GALNT17: variants seen among roughly 807,000 people sequenced by gnomAD.
GALNT17 encodes the protein polypeptide N-acetylgalactosaminyltransferase 17, also known as UDP-GalNAc:polypeptide N-acetylgalactosaminyltransferase-like 3.
In GALNT17, 29 loss-of-function variants were observed where a neutral mutation model predicts 63.7. That is an observed-to-expected ratio of 0.46 (90% CI 0.34 to 0.62). The LOEUF (loss-of-function observed/expected upper bound fraction) is 0.62, where lower values mean the gene tolerates loss of function less well. Ranked by LOEUF, GALNT17 falls within the 20% of genes least tolerant of loss-of-function variation. The pLI, the probability that GALNT17 is intolerant of heterozygous loss-of-function variation, is 0.01. For synonymous variants in GALNT17, 305 were observed against 318.3 expected, an observed-to-expected ratio of 0.96 and a Z score of 0.45; for missense variants, 603 against 799.6, an observed-to-expected ratio of 0.75 and a Z score of 2.97.
At chr7:71,343,620 T>C (rs1330942663) in intron 2 of GALNT17, among the ~76,000 whole-genome samples, 1 of 152,184 alleles carries the variant, frequency 6.6e-6, no homozygotes, top group Non-Finnish European at 1.5e-5. Context: ...TGCTTTAAAG[T>C]GTAAAAAGAT....
At chr7:71,153,897 G>T (rs1788179971) in intron 1 of GALNT17, among the ~76,000 whole-genome samples, 1 of 151,772 alleles carries the variant, frequency 6.6e-6, no homozygotes, top group South Asian at 2.1e-4. Flanking sequence ...GACAAAGGGA[G>T]ACTCTGTCTC....
intron 6 of GALNT17, among the ~76,000 whole-genome samples, chr7:71,583,974 T>C (rs1245676195): frequency 5.5e-5 from 8 of 144,862 alleles, no homozygotes; most frequent in African/African-American, 2.1e-4. Flanking sequence ...AAAAAAAAAA[T>C]ACAAAAAATT....
At position 71,192,800 on chromosome 7, in the gene GALNT17, A is replaced by G. The variant is rs566203389; in HGVS notation, c.238+59760A>G. On this transcript the variant is annotated intron_variant, in intron 1 of 10. Coordinates refer to ENST00000333538, the MANE Select transcript of GALNT17 (RefSeq NM_022479.3). ...TTCCGGTGGTGCCTCATCCTTGCCA[A>G]CATTTGGTGTTGTCAGTCTTTTTCC... 4.6e-5 allele frequency among the ~76,000 whole-genome samples: 7 copies of G among 152,264 alleles called. No homozygotes were observed. The East Asian group carries it at 1.4e-3, about 29-fold the overall frequency.
At chr7:71,540,950 G>C (rs550818648) in intron 5 of GALNT17, among the ~76,000 whole-genome samples, 1 of 151,914 alleles carries the variant, frequency 6.6e-6, no homozygotes, top group South Asian at 2.1e-4. Flanking sequence ...CTAAAGAAAC[G>C]ATGGCCAGCC....
intron 1 of GALNT17, among the ~76,000 whole-genome samples, chr7:71,292,521 A>T (rs757322509): frequency 6.6e-6 from 1 of 152,264 alleles, no homozygotes; most frequent in East Asian, 1.9e-4. Flanking sequence ...TATCATGGAC[A>T]TATAAAAATT....
chr7:71,217,167 A>AG (rs2079485869), intron 1 of GALNT17, among the ~76,000 whole-genome samples: 1 of 76,932 alleles, frequency 1.3e-5, no homozygotes, highest in South Asian at 4.6e-4. Context: ...TTTTTTTTTG[A>AG]GATAGAGTTT....
chr7:71,134,719 G>C (rs1385260877), intron 1 of GALNT17, among the ~76,000 whole-genome samples: 1 of 151,986 alleles, frequency 6.6e-6, no homozygotes, highest in Non-Finnish European at 1.5e-5. Context: ...CTTATAATTT[G>C]GGATAGATTC....
At chr7:71,238,944 G>A (rs1479349089) in intron 1 of GALNT17, among the ~76,000 whole-genome samples, 1 of 152,118 alleles carries the variant, frequency 6.6e-6, no homozygotes, top group Non-Finnish European at 1.5e-5. Flanking sequence ...CTGCCACACC[G>A]TGAGGTCCCC....
intron 5 of GALNT17, among the ~76,000 whole-genome samples, chr7:71,485,842 C>G (rs763538090): frequency 1.3e-5 from 2 of 152,072 alleles, no homozygotes; most frequent in Non-Finnish European, 2.9e-5. Flanking sequence ...TCTTTGTCAA[C>G]CAGAAATTGT....
intron 6 of GALNT17, among the ~76,000 whole-genome samples, chr7:71,619,581 T>G (rs1433862702): frequency 2.6e-5 from 4 of 152,228 alleles, no homozygotes; most frequent in Non-Finnish European, 5.9e-5. Flanking sequence ...GTTCTTGATT[T>G]CACCCTCAGC....
At chr7:71,316,252 G>T (rs79571542) in intron 1 of GALNT17, among the ~76,000 whole-genome samples, 10 of 84,550 alleles carry the variant, frequency 1.2e-4, no homozygotes, top group African/African-American at 4.2e-4. Flanking sequence ...TGATCTGTGG[G>T]TCTGATCAGG....
rs563478010 is a variant in GALNT17, at chr7:71,405,740, CTT to C, written c.590-10146_590-10145del. ...GTGGTGAACCAGCTCCCTGGGGCCTCTTTTGTAAGGACACTCATCCCATTCAT... is the reference window on the plus strand; with the variant it reads ...GTGGTGAACCAGCTCCCTGGGGCCTCTTGTAAGGACACTCATCCCATTCAT... On this transcript the variant is annotated intron_variant, in intron 3 of 10. Coordinates refer to ENST00000333538, the MANE Select transcript of GALNT17 (RefSeq NM_022479.3). Among the ~76,000 whole-genome samples the C allele has an allele frequency of 2.2e-4, 34 of 152,250 alleles. 1 individual carries two copies. The South Asian group carries it at 7.1e-3, about 32-fold the overall frequency.
intron 1 of GALNT17, among the ~76,000 whole-genome samples, chr7:71,280,724 C>A (rs913873231): frequency 6.6e-6 from 1 of 152,100 alleles, no homozygotes; most frequent in South Asian, 2.1e-4. Context: ...AGATTTTCAC[C>A]CCTGGAGAAA....
chr7:71,618,923 C>T (rs1045282760), intron 6 of GALNT17, among the ~76,000 whole-genome samples: 1 of 152,080 alleles, frequency 6.6e-6, no homozygotes, highest in African/African-American at 2.4e-5. Flanking sequence ...AGGTTGTCTT[C>T]CATGATTTTT....
At chr7:71,206,992 G>C (rs1789284066) in intron 1 of GALNT17, among the ~76,000 whole-genome samples, 2 of 152,120 alleles carry the variant, frequency 1.3e-5, no homozygotes, top group South Asian at 2.1e-4. Context: ...TGTAGTCCCA[G>C]CTACTTGACA....
intron 1 of GALNT17, among the ~76,000 whole-genome samples, chr7:71,267,328 A>T (rs1468704407): frequency 6.6e-6 from 1 of 151,278 alleles, no homozygotes; most frequent in Non-Finnish European, 1.5e-5. Flanking sequence ...CTTGGGGTTG[A>T]GTAGTTAACT....
chr7:71,213,781 C>T (rs1221730569), intron 1 of GALNT17, among the ~76,000 whole-genome samples: 3 of 152,174 alleles, frequency 2.0e-5, no homozygotes, highest in Admixed American at 6.6e-5. Flanking sequence ...CTTTTGACAT[C>T]TCTTTCCAAT....
chr7:71,540,229 A>G (rs954442267), intron 5 of GALNT17, among the ~76,000 whole-genome samples: 2 of 146,060 alleles, frequency 1.4e-5, no homozygotes, highest in African/African-American at 5.1e-5. Context: ...TGACTCTCCC[A>G]TCTCAGCCTC....
At chr7:71,592,773 TTGAAGTATTATA>T (rs1789829146) in intron 6 of GALNT17, among the ~76,000 whole-genome samples, 1 of 152,118 alleles carries the variant, frequency 6.6e-6, no homozygotes, top group South Asian at 2.1e-4. Context: ...AACATCATTT[TTGAAGTATTATA>T]TACCAGCCTA....
Sources: allele counts gnomAD v4.1 joint callset (sites outside exome capture counted in the v4.1 genomes callset), GRCh38; gene constraint gnomAD v4.1.1; transcripts MANE v1.5; gene names NCBI Gene and HGNC (gene_info 2026-07-23, HGNC 2026-07-21).